Variants in AK9 observed in about 807,000 individuals in gnomAD.
AK9 encodes adenylate kinase 9, also known as adenylate kinase domain containing 1.
In AK9, 191 loss-of-function variants were observed where a neutral mutation model predicts 239.6. The ratio of observed to expected loss-of-function variants is 0.80; its 90% CI spans 0.71 to 0.90. The LOEUF is 0.90. Ranked by LOEUF, AK9 falls within the 40% of genes least tolerant of loss-of-function variation. The pLI, the probability that AK9 is intolerant of heterozygous loss-of-function variation, is 0.00. For synonymous variants in AK9, 689 were observed against 721.0 expected (o/e 0.96, Z 0.71); for missense variants, 1,995 against 2,214.7 (o/e 0.90, Z 1.99).
Position 109,691,195 on chromosome 6 carries a change from G to C in AK9, c.-60C>G. On this transcript the variant is annotated 5_prime_UTR_variant, in exon 1 of 41. Transcript: ENST00000424296. ...TCTCTCGGCAGCACGCAGGTCCCGG[G>C]AGCCTCTACCCGACCTCTCTATGAT... 1.7e-6 allele frequency: 1 copy of C among 584,562 alleles called. No homozygotes were observed. Among genetic ancestry groups the C allele is most frequent in the Non-Finnish European group, 3.1e-6 (1 of 326,118 alleles). 36.2% of individuals were successfully genotyped at this position (584,562 alleles called of 1,614,324 possible).
intron 29 of AK9, chr6:109,528,643 G>C (rs1562356972): frequency 2.2e-6 from 1 of 462,884 alleles, no homozygotes; most frequent in African/African-American, 2.0e-5. Context: ...TACAATATCA[G>C]CAGTCCTCTG....
intron 21 of AK9, among the ~76,000 whole-genome samples, chr6:109,568,724 G>T (rs953048295): frequency 6.6e-6 from 1 of 152,130 alleles, no homozygotes; most frequent in Admixed American, 6.5e-5. Context: ...ACTTACAAGG[G>T]ATGTGAAGGA....
Position 109,514,299 on chromosome 6 carries a change from G to A in AK9, c.4204C>T (p.Arg1402Cys), listed in dbSNP as rs1029844116. Residue 1402 changes from arginine to cysteine, a missense_variant, in exon 32 of 41, where the codon CGC (arginine) becomes TGC (cysteine). Physicochemically the swap from Arg to Cys is radical, Grantham distance 180 (BLOSUM62 -3). Around this residue, in one of 5 missense-constraint regions of AK9, gnomAD observed 1,290 missense variants for 1,392.7 expected, o/e 0.93. Transcript: ENST00000424296. Reference protein sequence around the residue: ...KFMKNPIKYIRQPKPKPTVPI... With the variant: ...KFMKNPIKYICQPKPKPTVPI... ...ACAGTAGGCTTAGGTTTGGGTTGGC[G>A]GATATATTTGATTGGGTTCTTCATA... The A allele has an allele frequency of 1.4e-5, 21 of 1,551,408 alleles. No homozygotes were observed. The highest frequency in any genetic ancestry group is 4.1e-5 in the African/African-American group (3 of 72,898).
intron 40 of AK9, 35 bp downstream of exon 40, chr6:109,493,946 T>C: frequency 6.9e-7 from 1 of 1,451,124 alleles, no homozygotes; most frequent in Non-Finnish European, 9.6e-7. Flanking sequence ...AATGTTAAAT[T>C]TGTTCTGAGT....
chr6:109,559,394 C>T (rs1785451251), intron 24 of AK9, among the ~76,000 whole-genome samples: 2 of 151,850 alleles, frequency 1.3e-5, no homozygotes, highest in South Asian at 4.1e-4. Context: ...GTCTTGATCT[C>T]CTAACCTCGT....
chr6:109,512,878 T>C (rs933218150), intron 32 of AK9, among the ~76,000 whole-genome samples: 3 of 152,246 alleles, frequency 2.0e-5, no homozygotes, highest in Non-Finnish European at 2.9e-5. Context: ...TTATTACTTG[T>C]TTTGAGACAG....
At chr6:109,499,337 C>T (rs1777373407) in intron 35 of AK9, 97 bp from the exon 36 acceptor site, 2 of 907,894 alleles carry the variant, frequency 2.2e-6, no homozygotes, top group Non-Finnish European at 3.0e-6. Context: ...CAGCACTATA[C>T]ATACACATTA....
chr6:109,665,526 G>A (rs1297973991), intron 5 of AK9, among the ~76,000 whole-genome samples: 3 of 152,136 alleles, frequency 2.0e-5, no homozygotes, highest in Non-Finnish European at 4.4e-5. Flanking sequence ...TGGCATCTTT[G>A]CTCTTGTGAG....
Position 109,619,120 on chromosome 6 carries a change from A to C in AK9, c.1371T>G (p.Leu457=). Residue 457 remains leucine (L), a synonymous_variant, in exon 13 of 41, where the codon CTT becomes CTG. Transcript: ENST00000424296. Reference sequence around the variant, plus strand: ...GTTTTCTAGCTTGCAGTTCCCTGAGAAGCTTTTCTTTCACAACTTTAATTG... The same window carrying C: ...GTTTTCTAGCTTGCAGTTCCCTGAGCAGCTTTTCTTTCACAACTTTAATTG... ...AAAIKVVKEK[L]LRELQARKQA... 3 of 1,545,210 alleles carry C rather than the reference A, an allele frequency of 1.9e-6. No homozygotes were observed. The highest frequency in any genetic ancestry group is 2.6e-6 in the Non-Finnish European group (3 of 1,144,540).
chr6:109,633,631 GTAGA>G (rs1796378248), intron 10 of AK9, among the ~76,000 whole-genome samples: 1 of 152,042 alleles, frequency 6.6e-6, no homozygotes, highest in Non-Finnish European at 1.5e-5. Context: ...TAAGCATAAG[GTAGA>G]TAGCGCATTT....
chr6:109,497,847 CA>C lies in AK9; in HGVS notation c.5164del (p.Cys1722ValfsTer10), dbSNP rs1460036660. 6.2e-7 allele frequency: 1 copy of C among 1,613,964 alleles called. No homozygotes were observed. The highest frequency in any genetic ancestry group is 1.1e-5 in the South Asian group (1 of 91,074). On this transcript the variant is annotated frameshift_variant, in exon 37 of 41. Transcript: ENST00000424296. LOFTEE classifies it high-confidence loss of function. Reference protein sequence around the residue: ...LSELKSRFPKCAELQGYCPVT... With the variant: ...LSELKSRFPKXAELQGYCPVT... ...TGGACAGTAGCCCTGGAGCTCCGCA[CA>C]CTTAGGGAATCGACTCTTCAGCTCT...
chr6:109,519,449 TC>T (rs894773784), intron 29 of AK9, among the ~76,000 whole-genome samples: 2 of 152,118 alleles, frequency 1.3e-5, no homozygotes, highest in African/African-American at 4.8e-5. Flanking sequence ...GTATAAGTAT[TC>T]CCTTTTCTTT....
Position 109,573,524 on chromosome 6 carries a change from A to C in AK9, c.2262T>G (p.Pro754=). The C allele has an allele frequency of 6.4e-7, 1 of 1,551,302 alleles. No individual in the cohort carries two copies. The highest frequency in any genetic ancestry group is 8.7e-7 in the Non-Finnish European group (1 of 1,146,738). Residue 754 remains proline, a synonymous_variant, in exon 21 of 41, where the codon CCT becomes CCG. Transcript: ENST00000424296. ...EGDELEVHEE[P]EASHDTRGSW... ...ACCCTCGGGTATCGTGAGATGCCTC[A>C]GGCTCTTCGTGAACTTCCAACTCAT...
intron 24 of AK9, chr6:109,550,523 A>G (rs778340059): frequency 1.4e-4 from 56 of 397,410 alleles, no homozygotes; most frequent in Non-Finnish European, 2.1e-4. Flanking sequence ...AGGAAAATAA[A>G]GCAGCACTGA....
intron 3 of AK9, among the ~76,000 whole-genome samples, chr6:109,673,857 G>A (rs989428096): frequency 6.6e-6 from 1 of 151,844 alleles, no homozygotes; most frequent in Admixed American, 6.6e-5. Flanking sequence ...ATATTGGGCC[G>A]GGTGTTGTGG....
At chr6:109,555,459 A>G (rs1042226583) in intron 24 of AK9, among the ~76,000 whole-genome samples, 25 of 152,312 alleles carry the variant, frequency 1.6e-4, no homozygotes, top group African/African-American at 5.8e-4. Flanking sequence ...AATAAGTGCC[A>G]TGTGGCACTG....
intron 17 of AK9, among the ~76,000 whole-genome samples, chr6:109,601,809 A>T (rs933121242): frequency 6.9e-6 from 1 of 145,574 alleles, no homozygotes; most frequent in Non-Finnish European, 1.5e-5. Flanking sequence ...CTTCTTGTTG[A>T]ATTGATCCCT....
chr6:109,515,611 C>T (rs1779198109), intron 31 of AK9, among the ~76,000 whole-genome samples: 2 of 151,972 alleles, frequency 1.3e-5, no homozygotes, highest in Non-Finnish European at 2.9e-5. Context: ...GGAGTAAATG[C>T]TAGAGATAAG....
At chr6:109,564,995 A>T (rs1012376125) in intron 21 of AK9, 150 bp from the exon 22 acceptor site, 6 of 514,256 alleles carry the variant, frequency 1.2e-5, no homozygotes, top group Non-Finnish European at 2.0e-5. Context: ...AAAGAACGGC[A>T]TAAGAATACA....
Sources: gnomAD v4.1 joint callset for allele counts (sites outside exome capture counted in the v4.1 genomes callset) on GRCh38, gnomAD v4.1.1 for gene constraint, gnomAD v4.1.1 regional missense constraint, MANE v1.5 for transcripts, NCBI Gene and HGNC (gene_info 2026-07-23, HGNC 2026-07-21) for gene names.